SCFD2: variants seen among roughly 807,000 people sequenced by gnomAD.
SCFD2 encodes sec1 family domain containing 2.
SCFD2 carries 54 observed loss-of-function variants against 58.9 expected under a neutral mutation model. That is an observed-to-expected ratio of 0.92 (90% CI 0.74 to 1.15). The LOEUF is 1.15. SCFD2 is among the 50% of genes most tolerant of loss of function. The pLI is 0.00. For synonymous variants in SCFD2, 321 were observed against 335.9 expected (o/e 0.96, Z 0.49); for missense variants, 805 against 836.6 (o/e 0.96, Z 0.47).
chr4:53,284,286 C>A (rs1731597873), intron 3 of SCFD2, among the ~76,000 whole-genome samples: 1 of 151,082 alleles, frequency 6.6e-6, no homozygotes, highest in African/African-American at 2.4e-5. Context: ...TTAATATGCA[C>A]TTTCATTTTT....
intron 5 of SCFD2, among the ~76,000 whole-genome samples, chr4:53,096,929 A>G (rs1185561363): frequency 6.6e-6 from 1 of 152,210 alleles, no homozygotes; most frequent in Non-Finnish European, 1.5e-5. Context: ...AGCTTTCTAC[A>G]TATGGCTAGC....
chr4:53,205,703 T>A (rs538736600), intron 4 of SCFD2, among the ~76,000 whole-genome samples: 1 of 151,384 alleles, frequency 6.6e-6, no homozygotes, highest in Non-Finnish European at 1.5e-5. Context: ...ACTAAAAAAA[T>A]ACAAAAAAAT....
At chr4:53,265,673 A>C (rs1049926227) in intron 4 of SCFD2, 4 of 152,192 alleles carry the variant, frequency 2.6e-5, no homozygotes, top group Admixed American at 2.0e-4. Flanking sequence ...TTATAACTAT[A>C]ACAATTACAT....
At chr4:52,986,393 A>G (rs1018887556) in intron 5 of SCFD2, among the ~76,000 whole-genome samples, 3 of 152,044 alleles carry the variant, frequency 2.0e-5, no homozygotes, top group Non-Finnish European at 2.9e-5. Context: ...ATAGAAGTCA[A>G]TAAGTATTCT....
intron 5 of SCFD2, among the ~76,000 whole-genome samples, chr4:53,040,032 G>C (rs938712482): frequency 2.6e-5 from 4 of 152,186 alleles, no homozygotes; most frequent in Non-Finnish European, 5.9e-5. Flanking sequence ...ACGGCTGTTA[G>C]AGGGCAGTGG....
intron 5 of SCFD2, among the ~76,000 whole-genome samples, chr4:53,069,124 G>C (rs934730956): frequency 6.6e-6 from 1 of 152,178 alleles, no homozygotes; most frequent in African/African-American, 2.4e-5. Context: ...TTAAGGCTCA[G>C]ATTCAGCTGA....
At chr4:53,012,001 C>CTT (rs11297946) in intron 5 of SCFD2, among the ~76,000 whole-genome samples, 23 of 137,074 alleles carry the variant, frequency 1.7e-4, no homozygotes, top group African/African-American at 5.4e-4. Context: ...AGGTTTTAGG[C>CTT]TTTTTTTTTT....
rs896205937 is a variant in SCFD2 at position 53,273,799 on chromosome 4, T to A, written c.1311+27A>T. 4 of 1,578,182 alleles carry A rather than the reference T, an allele frequency of 2.5e-6. No individual in the cohort carries two copies. The African/African-American group carries it at 4.1e-5, about 16-fold the overall frequency. ...GAAGTCAAAACATTAATTATTAAGATCCCACGAGGTTCCCATAGCAACATA... is the reference window on the plus strand; with the variant it reads ...GAAGTCAAAACATTAATTATTAAGAACCCACGAGGTTCCCATAGCAACATA... On this transcript the variant is annotated intron_variant, in intron 4 of 8. Transcript: ENST00000401642.
intron 6 of SCFD2, among the ~76,000 whole-genome samples, chr4:52,918,762 A>C (rs911569395): frequency 6.6e-6 from 1 of 152,166 alleles, no homozygotes; most frequent in Non-Finnish European, 1.5e-5. Context: ...CTGCCACCCA[A>C]TTGATCATGG....
chr4:52,915,099 A>G (rs1719572059), intron 6 of SCFD2, among the ~76,000 whole-genome samples: 2 of 152,232 alleles, frequency 1.3e-5, no homozygotes, highest in Admixed American at 6.5e-5. Flanking sequence ...AGCAGTGAGT[A>G]TAGCAGCAGT....
chr4:52,928,890 A>C (rs995816450), intron 5 of SCFD2, among the ~76,000 whole-genome samples: 1 of 142,728 alleles, frequency 7.0e-6, no homozygotes, highest in African/African-American at 2.8e-5. Flanking sequence ...GTTATAGAAA[A>C]AAATAGTTAA....
chr4:52,878,843 C>CTCTGCATTTTCTAAAATGCT (rs1718539715), intron 8 of SCFD2, among the ~76,000 whole-genome samples: 1 of 152,176 alleles, frequency 6.6e-6, no homozygotes, highest in African/African-American at 2.4e-5. Context: ...GTCTACTTTT[C>CTCTGCATTTTCTAAAATGCT]TCTGCATTTT....
chr4:53,000,684 G>A (rs924036679), intron 5 of SCFD2, among the ~76,000 whole-genome samples: 1 of 152,186 alleles, frequency 6.6e-6, no homozygotes, highest in Non-Finnish European at 1.5e-5. Context: ...CCTCGCTGTG[G>A]GTATCCTTTG....
intron 3 of SCFD2, among the ~76,000 whole-genome samples, chr4:53,307,216 T>A (rs912359034): frequency 6.6e-6 from 1 of 152,208 alleles, no homozygotes; most frequent in Non-Finnish European, 1.5e-5. Context: ...AAAGTTCATG[T>A]AGGGAAATAG....
chr4:52,992,172 G>C lies in SCFD2; in HGVS notation c.1562-71302C>G, dbSNP rs114506224. Among the ~76,000 whole-genome samples, 928 of 152,280 alleles carry C rather than the reference G, an allele frequency of 6.1e-3. 10 individuals are homozygous for C. The highest frequency in any genetic ancestry group is 0.046 in the South Asian group (222 of 4,820). On this transcript the variant is annotated intron_variant, in intron 5 of 8. Coordinates refer to ENST00000401642, the MANE Select transcript of SCFD2 (RefSeq NM_152540.4). ...CTGTCGAGTGCCTGGGATTGCAGGAGCGCGCCACCACGCCTGACTGGTTTT... is the reference window on the plus strand; with the variant it reads ...CTGTCGAGTGCCTGGGATTGCAGGACCGCGCCACCACGCCTGACTGGTTTT...
intron 4 of SCFD2, among the ~76,000 whole-genome samples, chr4:53,237,911 C>A (rs1484488510): frequency 3.1e-5 from 3 of 98,014 alleles, no homozygotes; most frequent in Non-Finnish European, 4.2e-5. Flanking sequence ...GGGGGCTGAC[C>A]CCCCCACCTC....
At chr4:52,892,303 T>C (rs1577802847) in intron 7 of SCFD2, among the ~76,000 whole-genome samples, 1 of 152,300 alleles carries the variant, frequency 6.6e-6, no homozygotes, top group East Asian at 1.9e-4. Flanking sequence ...CTACTTGACC[T>C]TAGACTTTCA....
intron 2 of SCFD2, among the ~76,000 whole-genome samples, chr4:53,340,775 G>C (rs1467210495): frequency 1.3e-5 from 2 of 152,188 alleles, no homozygotes; most frequent in Non-Finnish European, 2.9e-5. Context: ...CCAGAGGAAA[G>C]ATCAGGCAGC....
chr4:53,314,431 C>T (rs1487252097), intron 2 of SCFD2, among the ~76,000 whole-genome samples: 1 of 152,164 alleles, frequency 6.6e-6, no homozygotes, highest in Non-Finnish European at 1.5e-5. Flanking sequence ...TCTCCAATAG[C>T]CCTCTGTCTC....
Sources: allele counts gnomAD v4.1 joint callset (sites outside exome capture counted in the v4.1 genomes callset), GRCh38; gene constraint gnomAD v4.1.1; transcripts MANE v1.5; gene names NCBI Gene and HGNC (gene_info 2026-07-23, HGNC 2026-07-21).